Variants in ELMO1 observed in about 807,000 individuals in gnomAD.
ELMO1 encodes the protein engulfment and cell motility protein 1.
Under a neutral mutation model 98.9 loss-of-function variants are expected in ELMO1, and 26 were observed. The observed-to-expected ratio is 0.26, with a 90% CI of 0.19 to 0.36. The LOEUF is 0.36. ELMO1 is among the 10% of genes least tolerant of loss of function. The pLI is 1.00. For missense variants in ELMO1, 627 were observed against 935.2 expected, an observed-to-expected ratio of 0.67 and a Z score of 4.30; for synonymous variants, 346 against 346.0, an observed-to-expected ratio of 1.00 and a Z score of 0.00.
At chr7:37,327,593 T>A (rs2131177167) in intron 2 of ELMO1, among the ~76,000 whole-genome samples, 1 of 152,326 alleles carries the variant, frequency 6.6e-6, no homozygotes, top group East Asian at 1.9e-4. Flanking sequence ...TTAGTTCATG[T>A]TTCTCATTTA....
rs1267598480 is a variant in ELMO1, at chr7:37,342,840, G to A, written c.-73-77C>T. The A allele has an allele frequency of 3.0e-6, 2 of 660,412 alleles. No individual in the cohort carries two copies. Among genetic ancestry groups the A allele is most frequent in the Admixed American group, 6.9e-5 (2 of 29,164 alleles). The allele number at this position is 660,412 out of a possible 1,614,324, so 40.9% of individuals were successfully genotyped here. ...GGTGAATTTTGCTTCATCACTTCCT[G>A]TTTTCACTGGTGGTTTGGTATGAAA... On this transcript the variant is annotated intron_variant, in intron 1 of 21. Coordinates refer to ENST00000310758, the MANE Select transcript of ELMO1 (RefSeq NM_014800.11). This position sits in a 1 kb window ranked among gnomAD's most constrained non-coding sequence, Gnocchi z 4.3.
chr7:36,977,689 A>G (rs981389135), intron 16 of ELMO1, among the ~76,000 whole-genome samples: 1 of 152,226 alleles, frequency 6.6e-6, no homozygotes, highest in Non-Finnish European at 1.5e-5. Context: ...TTGTTTTTAC[A>G]GTTCAGTTTC....
In ELMO1 at chr7:36,878,100, G is replaced by A; in HGVS notation, c.1732C>T (p.Arg578Trp). The change falls in exon 19 of 22, where the codon CGG (arginine) becomes TGG (tryptophan). Residue 578 changes from arginine to tryptophan, a missense_variant. By Grantham distance (101) the Arg-to-Trp change is moderately radical. Coordinates refer to ENST00000310758, the MANE Select transcript of ELMO1 (RefSeq NM_014800.11). Reference sequence around the variant, plus strand: ...AGGACTTTGTGATTTGGCGAAAGCCGACAATACCAAAACTTGTCTGAGAGA... The same window carrying A: ...AGGACTTTGTGATTTGGCGAAAGCCAACAATACCAAAACTTGTCTGAGAGA... ...RRRQDKFWYC[R>W]LSPNHKVLHY... 6.2e-7 allele frequency: 1 copy of A among 1,613,884 alleles called. No homozygotes were observed. The highest frequency in any genetic ancestry group is 8.5e-7 in the Non-Finnish European group (1 of 1,179,844).
chr7:37,235,933 AAATAAACC>A (rs1389746648), intron 7 of ELMO1, among the ~76,000 whole-genome samples: 1 of 152,194 alleles, frequency 6.6e-6, no homozygotes, highest in Non-Finnish European at 1.5e-5. Flanking sequence ...AAGATAAAAC[AAATAAACC>A]AATAAACAAC....
At chr7:36,926,053 A>G (rs894193161) in intron 16 of ELMO1, among the ~76,000 whole-genome samples, 1 of 152,070 alleles carries the variant, frequency 6.6e-6, no homozygotes, top group Non-Finnish European at 1.5e-5. Flanking sequence ...CTTCATCTTC[A>G]TTCTTCCATC....
At chr7:37,169,283 T>C (rs1448805435) in intron 13 of ELMO1, among the ~76,000 whole-genome samples, 2 of 152,200 alleles carry the variant, frequency 1.3e-5, no homozygotes, top group African/African-American at 2.4e-5. Flanking sequence ...CCCTGACCCC[T>C]TGCACTTCCC....
intron 18 of ELMO1, among the ~76,000 whole-genome samples, 176 bp from the exon 19 acceptor site, chr7:36,878,293 T>G (rs923465546): frequency 1.3e-5 from 2 of 152,226 alleles, no homozygotes; most frequent in African/African-American, 4.8e-5. Context: ...CTTTAATATT[T>G]AGTTATCACC....
intron 4 of ELMO1, among the ~76,000 whole-genome samples, chr7:37,279,458 G>A (rs1797026585): frequency 6.6e-6 from 1 of 152,200 alleles, no homozygotes; most frequent in African/African-American, 2.4e-5. Context: ...CAGACCCTCT[G>A]AAGGAAGCAG....
chr7:37,199,596 T>C (rs546510489), intron 13 of ELMO1, among the ~76,000 whole-genome samples: 13 of 151,832 alleles, frequency 8.6e-5, no homozygotes, highest in African/African-American at 3.1e-4. Flanking sequence ...CATGCCGGAG[T>C]AGGAAGAAGG....
chr7:36,914,303 C>T (rs1459560277), intron 16 of ELMO1, among the ~76,000 whole-genome samples: 2 of 152,130 alleles, frequency 1.3e-5, no homozygotes, highest in East Asian at 1.9e-4. Context: ...AAATAAATTA[C>T]TTGTATGTGT....
At chr7:37,339,881 G>A (rs191478842) in intron 2 of ELMO1, among the ~76,000 whole-genome samples, 195 of 152,188 alleles carry the variant, frequency 1.3e-3, no homozygotes, top group Non-Finnish European at 1.8e-3. Context: ...AGCCAAAAAG[G>A]ACACATCATT....
chr7:37,231,278 C>G (rs1794160534), intron 8 of ELMO1, among the ~76,000 whole-genome samples: 1 of 151,526 alleles, frequency 6.6e-6, no homozygotes, highest in Non-Finnish European at 1.5e-5. Flanking sequence ...CGATTAGGGC[C>G]ATCTCATGTC....
At chr7:37,196,195 C>T (rs890965895) in intron 13 of ELMO1, among the ~76,000 whole-genome samples, 2 of 152,156 alleles carry the variant, frequency 1.3e-5, no homozygotes, top group East Asian at 1.9e-4. Context: ...ATGTAAAGAG[C>T]GACTGAGACC....
intron 21 of ELMO1, among the ~76,000 whole-genome samples, chr7:36,861,051 T>C (rs1562777040): frequency 6.6e-6 from 1 of 152,220 alleles, no homozygotes; most frequent in Non-Finnish European, 1.5e-5. Flanking sequence ...GGGTTCCAGT[T>C]TATAAAAGAA....
chr7:36,983,703 C>T (rs1456601386), intron 16 of ELMO1, among the ~76,000 whole-genome samples: 1 of 152,154 alleles, frequency 6.6e-6, no homozygotes, highest in African/African-American at 2.4e-5. Flanking sequence ...ACAGTAAATG[C>T]TCAGGACAGA....
intron 14 of ELMO1, among the ~76,000 whole-genome samples, chr7:37,125,553 C>T (rs1246302787): frequency 6.6e-6 from 1 of 152,134 alleles, no homozygotes; most frequent in Non-Finnish European, 1.5e-5. Context: ...TCATCACTGG[C>T]CATCAGAGAA....
chr7:37,183,795 A>G lies in ELMO1; in HGVS notation c.1086+27591T>C, dbSNP rs190346869. The stretch of plus-strand genomic sequence containing the variant: ...GGATAGAATTGTCCTATCTGCTTCG[A>G]TTTCACTGGTAAACGTATAATAAAA... On this transcript the variant is annotated intron_variant, in intron 13 of 21. Transcript: ENST00000310758. Among the ~76,000 whole-genome samples the G allele has an allele frequency of 4.8e-3, 726 of 152,238 alleles. 3 individuals carry two copies. Among genetic ancestry groups the G allele is most frequent in the Non-Finnish European group, 7.7e-3 (527 of 68,010 alleles).
rs141846468 is a variant in ELMO1 at position 37,010,766 on chromosome 7, A to T, written c.1437+2533T>A. ...TGTCTAAGCTACTAAATTTGTGGTA[A>T]TTTGTTGTATCAGCAACAGAAAAGT... On this transcript the variant is annotated intron_variant, in intron 16 of 21. Coordinates refer to ENST00000310758, the MANE Select transcript of ELMO1 (RefSeq NM_014800.11). Among the ~76,000 whole-genome samples the T allele has an allele frequency of 2.2e-3, 338 of 152,356 alleles. 1 individual carries two copies. Among genetic ancestry groups the T allele is most frequent in the East Asian group, 4.4e-3 (23 of 5,190 alleles).
chr7:37,211,586 T>G, intron 12 of ELMO1, 69 bp from the exon 13 acceptor site: 2 of 1,562,402 alleles, frequency 1.3e-6, no homozygotes, highest in Non-Finnish European at 1.7e-6. Flanking sequence ...ACATTACATA[T>G]ACTCCCTCTT....
Sources: gnomAD v4.1 joint callset for allele counts (sites outside exome capture counted in the v4.1 genomes callset) on GRCh38, gnomAD v4.1.1 for gene constraint, Gnocchi (gnomAD v3.1) non-coding constraint, MANE v1.5 for transcripts, NCBI Gene and HGNC (gene_info 2026-07-23, HGNC 2026-07-21) for gene names.